The following FSTL4 variants were observed in gnomAD, a reference collection of about 807,000 sequenced individuals.
The protein encoded by FSTL4 is follistatin like 4.
In FSTL4, 28 loss-of-function variants were observed where a neutral mutation model predicts 78.2. The observed-to-expected ratio is 0.36, with a 90% CI of 0.27 to 0.49. FSTL4 has a LOEUF of 0.49. Among genes scored for constraint, FSTL4 ranks in the 20% least tolerant of loss-of-function variants. The pLI is 0.98. For synonymous variants in FSTL4, 422 were observed against 440.5 expected, an observed-to-expected ratio of 0.96 and a Z score of 0.53; for missense variants, 922 against 1,084.9, an observed-to-expected ratio of 0.85 and a Z score of 2.11.
chr5:133,839,062 G>A, the FSTL4 span, among the ~76,000 whole-genome samples: 2,647 of 152,310 alleles, frequency 0.017, 81 homozygotes, highest in African/African-American at 0.06. Flanking sequence ...GGAGTTTTCT[G>A]TCACTGAGAA....
At chr5:133,252,832 C>T (rs536038054) in intron 6 of FSTL4, among the ~76,000 whole-genome samples, 9 of 152,236 alleles carry the variant, frequency 5.9e-5, no homozygotes, top group South Asian at 2.1e-4. Flanking sequence ...AAGTGGGAGA[C>T]GGAAGTCTTC....
the FSTL4 span, among the ~76,000 whole-genome samples, chr5:133,670,390 G>C: frequency 6.6e-6 from 1 of 152,230 alleles, no homozygotes; most frequent in African/African-American, 2.4e-5. Flanking sequence ...TAGCCATGGA[G>C]TGTGACACAA....
At chr5:133,275,909 C>T (rs577088236) in intron 6 of FSTL4, 3 of 152,090 alleles carry the variant, frequency 2.0e-5, no homozygotes, top group Non-Finnish European at 2.9e-5. Context: ...CAGCCGTGAG[C>T]GCTGATTTAG....
intron 7 of FSTL4, chr5:133,247,983 C>T (rs918214187): frequency 5.9e-5 from 9 of 152,292 alleles, no homozygotes; most frequent in African/African-American, 2.2e-4. Context: ...GGGTCTCTCT[C>T]CCCACAAGTC....
intron 11 of FSTL4, among the ~76,000 whole-genome samples, chr5:133,221,909 T>TTTG (rs1561626781): frequency 1.6e-4 from 18 of 114,458 alleles, no homozygotes; most frequent in African/African-American, 7.9e-4. Context: ...TTTTTTTTTT[T>TTTG]TTTTTTTTTT....
At chr5:133,671,020 C>A in the FSTL4 span, among the ~76,000 whole-genome samples, 1 of 152,054 alleles carries the variant, frequency 6.6e-6, no homozygotes, top group African/African-American at 2.4e-5. Context: ...GATGTTGTAC[C>A]AGTTCCAAGC....
At chr5:133,553,295 C>T (rs1367339568) in intron 3 of FSTL4, among the ~76,000 whole-genome samples, 1 of 152,178 alleles carries the variant, frequency 6.6e-6, no homozygotes, top group Non-Finnish European at 1.5e-5. Flanking sequence ...TCCCTCTGTC[C>T]TCCACATGTT....
At chr5:133,215,656 A>C (rs1443008059) in intron 13 of FSTL4, among the ~76,000 whole-genome samples, 2 of 152,236 alleles carry the variant, frequency 1.3e-5, no homozygotes, top group Non-Finnish European at 2.9e-5. Context: ...GCTTAAAACA[A>C]CACATTTATT....
At chr5:133,460,501 T>C (rs527540965) in intron 3 of FSTL4, among the ~76,000 whole-genome samples, 2 of 152,370 alleles carry the variant, frequency 1.3e-5, no homozygotes, top group South Asian at 2.1e-4. Flanking sequence ...ATTTCTTTTC[T>C]TTCTGTCTAT....
intron 2 of FSTL4, among the ~76,000 whole-genome samples, chr5:133,574,323 A>G (rs1760227571): frequency 6.6e-6 from 1 of 152,224 alleles, no homozygotes; most frequent in Admixed American, 6.5e-5. Context: ...GTTTACAAGG[A>G]TATGAAGGAA....
chr5:133,403,621 C>T (rs758635284), intron 3 of FSTL4, among the ~76,000 whole-genome samples: 12 of 152,124 alleles, frequency 7.9e-5, no homozygotes, highest in South Asian at 4.1e-4. Context: ...TGTGTTGACC[C>T]GGTAGGGGTA....
At chr5:133,244,193 GA>G (rs948839152) in intron 7 of FSTL4, 7 of 152,378 alleles carry the variant, frequency 4.6e-5, no homozygotes, top group Non-Finnish European at 1.0e-4. Flanking sequence ...GGCTACAGGG[GA>G]ATCTCACCAG....
the FSTL4 span, among the ~76,000 whole-genome samples, chr5:133,688,053 G>A: frequency 6.6e-6 from 1 of 152,236 alleles, no homozygotes; most frequent in Non-Finnish European, 1.5e-5. Flanking sequence ...AGCTTGGCCG[G>A]AACTCAGTTA....
chr5:133,497,416 C>T (rs1192721978), intron 3 of FSTL4, among the ~76,000 whole-genome samples: 3 of 152,226 alleles, frequency 2.0e-5, no homozygotes, highest in Admixed American at 2.0e-4. Context: ...ACACATAGTG[C>T]ATGCTCAGTA....
intron 3 of FSTL4, among the ~76,000 whole-genome samples, chr5:133,467,544 G>A (rs1379192775): frequency 6.6e-6 from 1 of 152,196 alleles, no homozygotes; most frequent in Non-Finnish European, 1.5e-5. Context: ...GGGCAGCTGG[G>A]AGGAAGACAG....
chr5:133,198,985 G>A lies in FSTL4; in HGVS notation c.*110C>T. 1 of 630,288 alleles carries A rather than the reference G, an allele frequency of 1.6e-6. No homozygotes were observed. The highest frequency in any genetic ancestry group is 2.7e-6 in the Non-Finnish European group (1 of 371,192). 39.0% of individuals were successfully genotyped at this position (630,288 alleles called of 1,614,324 possible). A position where few individuals can be genotyped will look rare whatever the true frequency, so the allele number is the denominator to read the frequency against. Reference sequence around the variant, plus strand: ...AAGGAGACCAGTGTTGAACCACAAAGCGAGTACAGGTTTTTGCTTTTGTCT... The same window carrying A: ...AAGGAGACCAGTGTTGAACCACAAAACGAGTACAGGTTTTTGCTTTTGTCT... On this transcript the variant is annotated 3_prime_UTR_variant, in exon 16 of 16. Transcript: ENST00000265342.
the FSTL4 span, among the ~76,000 whole-genome samples, chr5:133,641,823 CCTT>C: frequency 4.6e-5 from 7 of 152,060 alleles, no homozygotes; most frequent in East Asian, 3.9e-4. Context: ...TCCTCCTCCT[CCTT>C]CTTCTTTCCT....
intron 4 of FSTL4, among the ~76,000 whole-genome samples, chr5:133,362,139 C>T (rs1481569732): frequency 6.6e-6 from 1 of 152,196 alleles, no homozygotes; most frequent in African/African-American, 2.4e-5. Flanking sequence ...ATATGAGTTG[C>T]CAATTCCATA....
chr5:133,490,174 C>T (rs28680656), intron 3 of FSTL4, among the ~76,000 whole-genome samples: 1,876 of 151,620 alleles, frequency 0.012, 39 homozygotes, highest in African/African-American at 0.044. Context: ...TGAAAAATGC[C>T]GGAATGTCCT....
Sources: gnomAD v4.1 joint callset for allele counts (sites outside exome capture counted in the v4.1 genomes callset) on GRCh38, gnomAD v4.1.1 for gene constraint, MANE v1.5 for transcripts, NCBI Gene and HGNC (gene_info 2026-07-23, HGNC 2026-07-21) for gene names.